The following PHAX variants were observed in gnomAD, a reference collection of about 807,000 sequenced individuals.
The protein encoded by PHAX is phosphorylated adapter RNA export protein.
In PHAX, 31 loss-of-function variants were observed where a neutral mutation model predicts 41.6. The observed-to-expected ratio is 0.75, with a 90% CI of 0.56 to 1.01. The LOEUF (loss-of-function observed/expected upper bound fraction) is 1.01, where lower values mean the gene tolerates loss of function less well. Among genes scored for constraint, PHAX ranks in the 50% least tolerant of loss-of-function variants. The pLI is 0.00. For synonymous variants in PHAX, 175 were observed against 164.9 expected (o/e 1.06, Z -0.47); for missense variants, 453 against 472.9 (o/e 0.96, Z 0.39).
rs1259897182 is a variant in PHAX at position 126,607,320 on chromosome 5, C to CT, written c.711-1043dup. The stretch of plus-strand genomic sequence containing the variant: ...AAACCCTGATCCTTGTGTTCCTAGT[C>CT]TATTTCTCTTTCCACAAAAATGCAC... On this transcript the variant is annotated intron_variant, in intron 2 of 4. Coordinates refer to ENST00000297540, the MANE Select transcript of PHAX (RefSeq NM_032177.4). 4.0e-5 allele frequency among the ~76,000 whole-genome samples: 6 copies of CT among 149,344 alleles called. No individual in the cohort carries two copies. The East Asian group carries it at 1.2e-3, about 30-fold the overall frequency.
chr5:126,622,701 C>T (rs894009042), intron 4 of PHAX, among the ~76,000 whole-genome samples: 1 of 152,062 alleles, frequency 6.6e-6, no homozygotes, highest in Admixed American at 6.6e-5. Context: ...TAGCAAGATG[C>T]TTGGATATGC....
intron 3 of PHAX, among the ~76,000 whole-genome samples, chr5:126,614,633 A>G (rs77648744): frequency 0.031 from 4,755 of 152,174 alleles, 230 homozygotes; most frequent in African/African-American, 0.11. Context: ...ACACTTAAAA[A>G]TTGTGAAGAT....
chr5:126,618,390 A>C (rs1217884787), intron 4 of PHAX, among the ~76,000 whole-genome samples: 5 of 152,134 alleles, frequency 3.3e-5, no homozygotes, highest in Admixed American at 1.3e-4. Flanking sequence ...CCAAAAAAAA[A>C]ATACAAAAAA....
At chr5:126,616,698 G>C (rs13166681) in intron 3 of PHAX, among the ~76,000 whole-genome samples, 35,507 of 151,728 alleles carry the variant, frequency 0.23, 4,804 homozygotes, top group East Asian at 0.36. Context: ...TGGCCAACAT[G>C]GCGAAACCCC....
At chr5:126,609,970 C>T (rs1305829413) in intron 3 of PHAX, among the ~76,000 whole-genome samples, 1 of 152,040 alleles carries the variant, frequency 6.6e-6, no homozygotes, top group African/African-American at 2.4e-5. Flanking sequence ...CTCCTGAGCT[C>T]AGGCAATCCG....
intron 2 of PHAX, among the ~76,000 whole-genome samples, chr5:126,607,556 A>T (rs1752010211): frequency 1.3e-5 from 2 of 152,038 alleles, no homozygotes; most frequent in Non-Finnish European, 2.9e-5. Flanking sequence ...GGCATGTGCC[A>T]CCACACCCAG....
chr5:126,605,151 C>T (rs932135793), intron 2 of PHAX, among the ~76,000 whole-genome samples: 1 of 151,862 alleles, frequency 6.6e-6, no homozygotes, highest in Non-Finnish European at 1.5e-5. Flanking sequence ...GCATCAACCA[C>T]TGCGCTGTCC....
rs57270218 is a variant in PHAX at position 126,604,274 on chromosome 5, C to CTTTTTTTTTTTTTTTTTT, written c.710+93_710+110dup. ...TGCCAAATACTTTAATGATATGTTC[C>CTTTTTTTTTTTTTTTTTT]TTTTTTTTTTTTTTTTTTTGGAGAC... On this transcript the variant is annotated intron_variant, in intron 2 of 4. Transcript: ENST00000297540. 6.0e-5 allele frequency: 39 copies of CTTTTTTTTTTTTTTTTTT among 645,844 alleles called. 2 individuals are homozygous for CTTTTTTTTTTTTTTTTTT. In the African/African-American group the frequency reaches 9.5e-4, roughly 16 times the overall value. 40.0% of individuals were successfully genotyped at this position (645,844 alleles called of 1,614,324 possible). A position where few individuals can be genotyped will look rare whatever the true frequency, so the allele number is the denominator to read the frequency against.
intron 3 of PHAX, among the ~76,000 whole-genome samples, chr5:126,608,810 C>T (rs1034225377): frequency 7.9e-5 from 12 of 151,724 alleles, no homozygotes; most frequent in Admixed American, 3.3e-4. Flanking sequence ...GTGGCACATA[C>T]CTGTAATCGC....
At chr5:126,613,724 C>T (rs1752141300) in intron 3 of PHAX, among the ~76,000 whole-genome samples, 1 of 151,872 alleles carries the variant, frequency 6.6e-6, no homozygotes, top group Non-Finnish European at 1.5e-5. Flanking sequence ...CAGTGATTAC[C>T]TATGGTTAGT....
rs1191522960 is a variant in PHAX, at chr5:126,626,211, C to T, written c.*1367C>T. On this transcript the variant is annotated 3_prime_UTR_variant, in exon 5 of 5. Transcript: ENST00000297540. Reference sequence around the variant, plus strand: ...TCTAGGCAATGTAGTGAGACCCTGTCTCTAATTTAAAAAAGAAAAAGAAAA... The same window carrying T: ...TCTAGGCAATGTAGTGAGACCCTGTTTCTAATTTAAAAAAGAAAAAGAAAA... 1 of 152,020 alleles carries T rather than the reference C, an allele frequency of 6.6e-6. No homozygotes were observed. The highest frequency in any genetic ancestry group is 1.5e-5 in the Non-Finnish European group (1 of 68,036). The allele number at this position is 152,020 out of a possible 1,614,324, so 9.4% of individuals were successfully genotyped here.
chr5:126,602,865 C>T (rs890661203), intron 1 of PHAX, among the ~76,000 whole-genome samples: 2 of 151,924 alleles, frequency 1.3e-5, no homozygotes, highest in South Asian at 2.1e-4. Flanking sequence ...ATTAGCTGGG[C>T]GTGGTGGCGG....
intron 3 of PHAX, among the ~76,000 whole-genome samples, chr5:126,616,466 A>G (rs760517144): frequency 2.0e-5 from 3 of 152,182 alleles, no homozygotes; most frequent in Non-Finnish European, 4.4e-5. Flanking sequence ...TAGACTAAAT[A>G]CCCATATATA....
intron 4 of PHAX, among the ~76,000 whole-genome samples, chr5:126,618,413 A>T (rs1297340290): frequency 6.6e-6 from 1 of 152,134 alleles, no homozygotes; most frequent in African/African-American, 2.4e-5. Flanking sequence ...AGTATCTCCC[A>T]GTAATGACAA....
At chr5:126,610,999 G>T (rs1002604341) in intron 3 of PHAX, among the ~76,000 whole-genome samples, 1 of 151,400 alleles carries the variant, frequency 6.6e-6, no homozygotes, top group Non-Finnish European at 1.5e-5. Flanking sequence ...GAGCCACTAT[G>T]TCCAGCCCCC....
intron 3 of PHAX, among the ~76,000 whole-genome samples, chr5:126,611,964 A>C (rs565769515): frequency 1.3e-5 from 2 of 151,944 alleles, no homozygotes; most frequent in African/African-American, 4.8e-5. Context: ...ATACTGCAGG[A>C]AGAATAGACC....
rs111689832 is a variant in PHAX at position 126,604,305 on chromosome 5, C to T, written c.710+122C>T. On this transcript the variant is annotated intron_variant, in intron 2 of 4. Coordinates refer to ENST00000297540, the MANE Select transcript of PHAX (RefSeq NM_032177.4). ...TTTTTTTTTTTTTTGGAGACAGGGT[C>T]TTGCTCTGTCACCCAGGCTGGAGTG... 3,419 of 832,034 alleles carry T rather than the reference C, an allele frequency of 4.1e-3. 67 individuals carry two copies. The African/African-American group carries it at 0.053, about 13-fold the overall frequency. 51.5% of individuals were successfully genotyped at this position (832,034 alleles called of 1,614,324 possible).
At chr5:126,604,545 G>A (rs1440647995) in intron 2 of PHAX, among the ~76,000 whole-genome samples, 10 of 151,938 alleles carry the variant, frequency 6.6e-5, no homozygotes, top group South Asian at 2.1e-4. Context: ...GATTACAGGC[G>A]TGAGCCATGG....
intron 3 of PHAX, among the ~76,000 whole-genome samples, chr5:126,614,133 C>G (rs1413084958): frequency 1.3e-5 from 2 of 152,092 alleles, no homozygotes; most frequent in African/African-American, 4.8e-5. Flanking sequence ...CAGTCTTGCT[C>G]TGTCACCCAG....
Sources: gnomAD v4.1 joint callset for allele counts (sites outside exome capture counted in the v4.1 genomes callset) on GRCh38, gnomAD v4.1.1 for gene constraint, MANE v1.5 for transcripts, NCBI Gene and HGNC (gene_info 2026-07-23, HGNC 2026-07-21) for gene names.